GRIK2: variants seen among roughly 807,000 people sequenced by gnomAD.
The protein encoded by GRIK2 is glutamate ionotropic receptor kainate type subunit 2, also known as glutamate receptor ionotropic, kainate 2.
Under a neutral mutation model 100.3 loss-of-function variants are expected in GRIK2, and 32 were observed. That is an observed-to-expected ratio of 0.32 (90% confidence interval 0.24 to 0.43). The LOEUF (loss-of-function observed/expected upper bound fraction) is 0.43. GRIK2 is among the 20% of genes least tolerant of loss of function. GRIK2 has a pLI of 1.00. For missense variants in GRIK2, 843 were observed against 1,114.9 expected (o/e 0.76, Z 3.47); for synonymous variants, 417 against 389.4 (o/e 1.07, Z -0.83).
At chr6:101,991,396 T>TA (rs1336156104) in intron 14 of GRIK2, among the ~76,000 whole-genome samples, 1 of 150,902 alleles carries the variant, frequency 6.6e-6, no homozygotes, top group Non-Finnish European at 1.5e-5. Flanking sequence ...GCTATGTTTT[T>TA]TTTTTTACAA....
intron 7 of GRIK2, among the ~76,000 whole-genome samples, chr6:101,762,338 C>G (rs1053901648): frequency 1.3e-5 from 2 of 151,924 alleles, no homozygotes; most frequent in Admixed American, 1.3e-4. Context: ...TGAAGCCTGG[C>G]TAATTTTTTT....
chr6:101,992,470 A>G (rs1007415763), intron 14 of GRIK2, among the ~76,000 whole-genome samples: 45 of 151,696 alleles, frequency 3.0e-4, no homozygotes, highest in African/African-American at 1.1e-3. Context: ...AACAAAGAGC[A>G]AAAATAATGA....
chr6:102,004,834 C>T (rs1027569725), intron 14 of GRIK2, among the ~76,000 whole-genome samples: 2 of 151,300 alleles, frequency 1.3e-5, no homozygotes, highest in African/African-American at 4.9e-5. Flanking sequence ...AGTTAAACTG[C>T]CCCCCCACCA....
intron 2 of GRIK2, among the ~76,000 whole-genome samples, chr6:101,471,955 A>G (rs1315926051): frequency 6.6e-6 from 1 of 151,704 alleles, no homozygotes; most frequent in African/African-American, 2.4e-5. Context: ...CATGGTGTCC[A>G]TAAATTTTTT....
intron 10 of GRIK2, among the ~76,000 whole-genome samples, chr6:101,823,415 A>T (rs1408324325): frequency 6.6e-6 from 1 of 151,978 alleles, no homozygotes; most frequent in South Asian, 2.1e-4. Context: ...TGGATCGTCA[A>T]CTACAGGTCT....
intron 10 of GRIK2, among the ~76,000 whole-genome samples, chr6:101,854,257 TC>T (rs1261043528): frequency 6.6e-6 from 1 of 151,908 alleles, no homozygotes; most frequent in Non-Finnish European, 1.5e-5. Context: ...AAAAATTAAG[TC>T]TATTAATTAA....
chr6:102,011,458 A>AT, intron 14 of GRIK2, among the ~76,000 whole-genome samples: 1 of 141,804 alleles, frequency 7.1e-6, no homozygotes, highest in South Asian at 2.2e-4. Context: ...TTTTGCAAAT[A>AT]TTTTTTTCCC....
At chr6:101,787,644 G>C (rs1300631727) in intron 7 of GRIK2, among the ~76,000 whole-genome samples, 1 of 151,868 alleles carries the variant, frequency 6.6e-6, no homozygotes, top group Admixed American at 6.6e-5. Context: ...CTATTTTTTT[G>C]TTTATTGTGG....
intron 7 of GRIK2, among the ~76,000 whole-genome samples, chr6:101,734,818 T>C (rs998685569): frequency 6.6e-6 from 1 of 152,150 alleles, no homozygotes; most frequent in Non-Finnish European, 1.5e-5. Context: ...TGAGGAAGTT[T>C]GGGTTGTTGA....
intron 14 of GRIK2, among the ~76,000 whole-genome samples, chr6:102,027,754 G>A (rs746091479): frequency 6.6e-6 from 1 of 150,984 alleles, no homozygotes; most frequent in Non-Finnish European, 1.5e-5. Context: ...AGTTCAATGA[G>A]CATAAGATGG....
At chr6:101,815,066 A>G (rs1781553606) in intron 9 of GRIK2, among the ~76,000 whole-genome samples, 2 of 152,164 alleles carry the variant, frequency 1.3e-5, no homozygotes, top group Admixed American at 1.3e-4. Context: ...TACCCGAGTC[A>G]CCTGATGTTA....
At chr6:101,878,122 A>G (rs1256650500) in intron 11 of GRIK2, among the ~76,000 whole-genome samples, 1 of 145,576 alleles carries the variant, frequency 6.9e-6, no homozygotes, top group Non-Finnish European at 1.5e-5. Flanking sequence ...ATATTATATT[A>G]TATTATATTA....
chr6:101,813,648 G>A (rs116404528), intron 9 of GRIK2, among the ~76,000 whole-genome samples: 1,773 of 152,134 alleles, frequency 0.012, 38 homozygotes, highest in African/African-American at 0.04. Flanking sequence ...AAGAGAGGCA[G>A]TGTTTACAAC....
At chr6:101,821,823 T>G (rs1288169308) in intron 10 of GRIK2, among the ~76,000 whole-genome samples, 1 of 152,134 alleles carries the variant, frequency 6.6e-6, no homozygotes, top group East Asian at 1.9e-4. Context: ...ATTGATGTTA[T>G]GATTATTTTG....
intron 14 of GRIK2, among the ~76,000 whole-genome samples, chr6:101,963,875 T>C (rs1792490170): frequency 6.6e-6 from 1 of 152,070 alleles, no homozygotes; most frequent in Admixed American, 6.6e-5. Flanking sequence ...CAACTTGAAC[T>C]TGCCTACATT....
intron 2 of GRIK2, among the ~76,000 whole-genome samples, chr6:101,433,854 C>G (rs1769562611): frequency 2.0e-5 from 3 of 152,126 alleles, no homozygotes; most frequent in Admixed American, 2.0e-4. Flanking sequence ...TTAATGATCA[C>G]CAGTTGCTTA....
intron 2 of GRIK2, among the ~76,000 whole-genome samples, chr6:101,546,915 C>G (rs1404290721): frequency 7.0e-6 from 1 of 142,724 alleles, no homozygotes; most frequent in African/African-American, 2.6e-5. Context: ...ACTGCAAGCT[C>G]CGCCTCCCGG....
At chr6:101,883,170 C>T (rs984443581) in intron 11 of GRIK2, among the ~76,000 whole-genome samples, 23 of 151,388 alleles carry the variant, frequency 1.5e-4, no homozygotes, top group African/African-American at 5.3e-4. Context: ...TATTAAATAT[C>T]CCTACCTTTA....
chr6:101,788,286 G>A (rs1034128773), intron 7 of GRIK2, among the ~76,000 whole-genome samples: 1 of 151,676 alleles, frequency 6.6e-6, no homozygotes, highest in South Asian at 2.1e-4. Flanking sequence ...GTATACATGT[G>A]CCATGCTGGT....
Sources: allele counts gnomAD v4.1 joint callset (sites outside exome capture counted in the v4.1 genomes callset), GRCh38; gene constraint gnomAD v4.1.1; transcripts MANE v1.5; gene names NCBI Gene and HGNC (gene_info 2026-07-23, HGNC 2026-07-21).